KCNQ1: variants seen among roughly 807,000 people sequenced by gnomAD.
The protein encoded by KCNQ1 is potassium voltage-gated channel subfamily KQT member 1.
KCNQ1 carries 49 observed loss-of-function variants against 72.4 expected under a neutral mutation model. That is an observed-to-expected ratio of 0.68 (90% CI 0.54 to 0.86). KCNQ1 has a LOEUF of 0.86. Among genes scored for constraint, KCNQ1 ranks in the 40% least tolerant of loss-of-function variants. The pLI is 0.00. For missense variants in KCNQ1, 790 were observed against 945.1 expected (o/e 0.84, Z 2.15); for synonymous variants, 450 against 412.6 (o/e 1.09, Z -1.10).
In KCNQ1 at chr11:2,808,995, G is replaced by A. The variant is rs974848660; in HGVS notation, c.1794+30958G>A. On this transcript the variant is annotated intron_variant, in intron 15 of 15. Coordinates refer to ENST00000155840, the MANE Select transcript of KCNQ1 (RefSeq NM_000218.3). The surrounding 1 kb of genome is among the most constrained non-coding windows in gnomAD (Gnocchi z 6.0). ...GAAATAGATGCAGAGATGGAGGGAG[G>A]GAGGGAAGGAGGGATGGATAAATGG... 6.6e-6 allele frequency among the ~76,000 whole-genome samples: 1 copy of A among 150,566 alleles called. No homozygotes were observed. Among genetic ancestry groups the A allele is most frequent in the African/African-American group, 2.5e-5 (1 of 40,748 alleles).
rs1802613942 is a variant in KCNQ1 at position 2,484,830 on chromosome 11, A to G, written c.386+39346A>G. On this transcript the variant is annotated intron_variant, in intron 1 of 15. Transcript: ENST00000155840. The surrounding 1 kb of genome is among the most constrained non-coding windows in gnomAD (Gnocchi z 5.2). The stretch of plus-strand genomic sequence containing the variant: ...TCATCTGCAGATATATTCATACATG[A>G]GTGGGCTCATACTGTCTCCAACTCC... Among the ~76,000 whole-genome samples the G allele has an allele frequency of 6.6e-6, 1 of 152,152 alleles. No homozygotes were observed. Among genetic ancestry groups the G allele is most frequent in the Non-Finnish European group, 1.5e-5 (1 of 68,034 alleles).
At chr11:2,496,163 G>T (rs975250528) in intron 1 of KCNQ1, among the ~76,000 whole-genome samples, 10 of 151,966 alleles carry the variant, frequency 6.6e-5, no homozygotes, top group African/African-American at 1.9e-4. Flanking sequence ...TTGGCCGGGT[G>T]CAGTGGCTCA....
At position 2,668,723 on chromosome 11, in the gene KCNQ1, G is replaced by A. The variant is rs1850128346; in HGVS notation, c.1514+6642G>A. On this transcript the variant is annotated intron_variant, in intron 11 of 15. Transcript: ENST00000155840. The surrounding 1 kb of genome is among the most constrained non-coding windows in gnomAD (Gnocchi z 4.3). ...ACACTCTCTCACAGACACACACATTGCAAATATCGCCTCCCCCTCTGCAGG... is the reference window on the plus strand; with the variant it reads ...ACACTCTCTCACAGACACACACATTACAAATATCGCCTCCCCCTCTGCAGG... 1 of 398,436 alleles carries A rather than the reference G, an allele frequency of 2.5e-6. No homozygotes were observed. The highest frequency in any genetic ancestry group is 1.3e-4 in the South Asian group (1 of 7,858). 24.7% of individuals were successfully genotyped at this position (398,436 alleles called of 1,614,324 possible).
rs1845709330 is a variant in KCNQ1 at position 2,723,664 on chromosome 11, C to A, written c.1515-45180C>A. ...CCCTCACACCTAGCGGTTGGCTGGG[C>A]AGGTGGACTGGTCCGAGCTGAGTGG... On this transcript the variant is annotated intron_variant, in intron 11 of 15. Transcript: ENST00000155840. The surrounding 1 kb of genome is among the most constrained non-coding windows in gnomAD (Gnocchi z 4.2). 6.6e-6 allele frequency among the ~76,000 whole-genome samples: 1 copy of A among 152,226 alleles called. No homozygotes were observed. Among genetic ancestry groups the A allele is most frequent in the South Asian group, 2.1e-4 (1 of 4,832 alleles).
intron 10 of KCNQ1, chr11:2,650,319 T>G (rs887638673): frequency 1.0e-5 from 4 of 398,364 alleles, no homozygotes; most frequent in Non-Finnish European, 1.3e-5. Context: ...TGTTTTCTTG[T>G]TTTTTTCCCC....
chr11:2,678,434 C>G lies in KCNQ1; in HGVS notation c.1514+16353C>G. Reference sequence around the variant, plus strand: ...AACACTATTTATTTGAGTACATCATCATCTCTCTACTAATTTCAACTGCTA... The same window carrying G: ...AACACTATTTATTTGAGTACATCATGATCTCTCTACTAATTTCAACTGCTA... On this transcript the variant is annotated intron_variant, in intron 11 of 15. Transcript: ENST00000155840. The surrounding 1 kb of genome is among the most constrained non-coding windows in gnomAD (Gnocchi z 4.9). 2.5e-6 allele frequency: 1 copy of G among 398,570 alleles called. No individual in the cohort carries two copies. Among genetic ancestry groups the G allele is most frequent in the Admixed American group, 4.4e-5 (1 of 22,734 alleles). The allele number at this position is 398,570 out of a possible 1,614,324, so 24.7% of individuals were successfully genotyped here.
In KCNQ1 at chr11:2,769,409, G is replaced by T. The variant is rs1846553364; in HGVS notation, c.1590+490G>T. On this transcript the variant is annotated intron_variant, in intron 12 of 15. Coordinates refer to ENST00000155840, the MANE Select transcript of KCNQ1 (RefSeq NM_000218.3). This position sits in a 1 kb window ranked among gnomAD's most constrained non-coding sequence, Gnocchi z 4.6. ...CTGTGAGTTGGGAGGATGGAGGGAG[G>T]CTGGGCCCTGCTCTGTAAGAGGTGG... 6.6e-6 allele frequency among the ~76,000 whole-genome samples: 1 copy of T among 152,162 alleles called. No individual in the cohort carries two copies. The highest frequency in any genetic ancestry group is 1.5e-5 in the Non-Finnish European group (1 of 68,030).
chr11:2,571,193 T>C, intron 3 of KCNQ1, 132 bp from the exon 4 acceptor site: 1 of 768,588 alleles, frequency 1.3e-6, no homozygotes, highest in Non-Finnish European at 2.3e-6. Context: ...GGTGTCTCCA[T>C]GTCCCCGGTC....
chr11:2,692,385 C>T (rs1850602808), intron 11 of KCNQ1: 1 of 398,746 alleles, frequency 2.5e-6, no homozygotes, highest in African/African-American at 2.1e-5. Context: ...CATCCCCTGC[C>T]CCATTCCAAT....
chr11:2,774,582 C>G (rs1442984700), intron 12 of KCNQ1, among the ~76,000 whole-genome samples: 5 of 152,186 alleles, frequency 3.3e-5, no homozygotes, highest in African/African-American at 1.2e-4. Context: ...TCTTGGGATT[C>G]CTGGGGTCCA....
rs762455751 is a variant in KCNQ1 at position 2,445,470 on chromosome 11, T to C, written c.372T>C (p.Val124=). ...GTCCCACCGGCTGGAAATGCTTCGT[T>C]TACCACTTCGCCGTGTGAGTATCGC... ...LERPTGWKCF[V]YHFAVFLIVL... is the part of the protein sequence containing the mutation. The change falls in exon 1 of 16, where the codon GTT becomes GTC. Residue 124 remains valine, a synonymous_variant. Transcript: ENST00000155840. The C allele has an allele frequency of 2.5e-6, 4 of 1,595,852 alleles. No homozygotes were observed. The highest frequency in any genetic ancestry group is 2.5e-6 in the Non-Finnish European group (3 of 1,179,108).
intron 12 of KCNQ1, among the ~76,000 whole-genome samples, chr11:2,774,066 A>T (rs1238052510): frequency 6.6e-6 from 1 of 151,994 alleles, no homozygotes; most frequent in Non-Finnish European, 1.5e-5. Flanking sequence ...CATTTCATAG[A>T]AGAGAACTCA....
intron 2 of KCNQ1, among the ~76,000 whole-genome samples, chr11:2,560,234 G>C (rs1414213340): frequency 1.1e-5 from 1 of 94,146 alleles, no homozygotes. Context: ...CCATCCTTGG[G>C]GGATGGGGGG....
rs578166625 is a variant in KCNQ1, at chr11:2,463,471, TG to T, written c.386+17993del. 1.3e-4 allele frequency among the ~76,000 whole-genome samples: 20 copies of T among 152,228 alleles called. No homozygotes were observed. The East Asian group carries it at 3.7e-3, about 28-fold the overall frequency. ...CCTTGGTGCAGGTGGCGGGCGGGGC[TG>T]GGGGGCTCTGTAGCCTTCCTGGCTT... On this transcript the variant is annotated intron_variant, in intron 1 of 15. Transcript: ENST00000155840. The surrounding 1 kb of genome is among the most constrained non-coding windows in gnomAD (Gnocchi z 7.0).
At chr11:2,570,581 T>G (rs1343183199) in intron 2 of KCNQ1, 47 bp from the exon 3 acceptor site, 1 of 1,607,366 alleles carries the variant, frequency 6.2e-7, no homozygotes, top group Non-Finnish European at 8.5e-7. Flanking sequence ...CTGAAGCCAC[T>G]CAAGGCCGAG....
chr11:2,687,047 G>A lies in KCNQ1; in HGVS notation c.1514+24966G>A. 2.5e-6 allele frequency: 1 copy of A among 398,638 alleles called. No homozygotes were observed. The highest frequency in any genetic ancestry group is 4.4e-6 in the Non-Finnish European group (1 of 226,086). The allele number at this position is 398,638 out of a possible 1,614,324, so 24.7% of individuals were successfully genotyped here. A position where few individuals can be genotyped will look rare whatever the true frequency, so the allele number is the denominator to read the frequency against. On this transcript the variant is annotated intron_variant, in intron 11 of 15. Coordinates refer to ENST00000155840, the MANE Select transcript of KCNQ1 (RefSeq NM_000218.3). This position sits in a 1 kb window ranked among gnomAD's most constrained non-coding sequence, Gnocchi z 5.0. ...GCTAAAACTCAGCAGTCCCAGCTCT[G>A]GGGGACAAGGACCCACAAAGTGATG...
intron 11 of KCNQ1, chr11:2,694,856 C>G (rs1190473482): frequency 2.5e-6 from 1 of 398,464 alleles, no homozygotes; most frequent in Non-Finnish European, 4.4e-6. Flanking sequence ...AGCAAAATTT[C>G]CTGTGAGATT....
intron 10 of KCNQ1, chr11:2,632,198 A>G: frequency 2.5e-6 from 1 of 397,876 alleles, no homozygotes; most frequent in Non-Finnish European, 4.4e-6. Context: ...AAAAAAAAAA[A>G]AAAAAGAAAT....
rs1850170532 is a variant in KCNQ1, at chr11:2,670,823, T to C, written c.1514+8742T>C. 2.5e-6 allele frequency: 1 copy of C among 398,472 alleles called. No individual in the cohort carries two copies. Among genetic ancestry groups the C allele is most frequent in the Admixed American group, 4.4e-5 (1 of 22,718 alleles). 24.7% of individuals were successfully genotyped at this position (398,472 alleles called of 1,614,324 possible). A position where few individuals can be genotyped will look rare whatever the true frequency, so the allele number is the denominator to read the frequency against. On this transcript the variant is annotated intron_variant, in intron 11 of 15. Transcript: ENST00000155840. The surrounding 1 kb of genome is among the most constrained non-coding windows in gnomAD (Gnocchi z 4.9). ...TCAGCCTCTATGTGCATCATAAACC[T>C]GGTGCCACCAGCCAAGGAGGTCAAA...
Sources: gnomAD v4.1 joint callset for allele counts (sites outside exome capture counted in the v4.1 genomes callset) on GRCh38, gnomAD v4.1.1 for gene constraint, Gnocchi (gnomAD v3.1) non-coding constraint, MANE v1.5 for transcripts, NCBI Gene and HGNC (gene_info 2026-07-23, HGNC 2026-07-21) for gene names.